SLC5A1: variants seen among roughly 807,000 people sequenced by gnomAD.
SLC5A1 encodes the protein solute carrier family 5 member 1, also known as sodium/glucose cotransporter 1.
Under a neutral mutation model 73.5 loss-of-function variants are expected in SLC5A1, and 42 were observed. The ratio of observed to expected loss-of-function variants is 0.57; its 90% CI spans 0.45 to 0.74. The LOEUF (loss-of-function observed/expected upper bound fraction) is 0.74, where lower values mean the gene tolerates loss of function less well. SLC5A1 is among the 30% of genes least tolerant of loss of function. The pLI is 0.00. For synonymous variants in SLC5A1, 300 were observed against 317.4 expected (o/e 0.95, Z 0.58); for missense variants, 634 against 855.4 (o/e 0.74, Z 3.23).
intron 2 of SLC5A1, among the ~76,000 whole-genome samples, chr22:32,056,483 C>CAT (rs2093952156): frequency 8.6e-6 from 1 of 115,764 alleles, no homozygotes; most frequent in Non-Finnish European, 1.7e-5. Context: ...ATGCAATATT[C>CAT]GGGACATACT....
At chr22:32,091,371 A>G (rs1274150212) in intron 10 of SLC5A1, among the ~76,000 whole-genome samples, 1 of 151,462 alleles carries the variant, frequency 6.6e-6, no homozygotes, top group African/African-American at 2.4e-5. Context: ...GTCCAGTTGC[A>G]AAGTATTCAC....
intron 14 of SLC5A1, among the ~76,000 whole-genome samples, chr22:32,108,954 T>C (rs759403601): frequency 4.6e-5 from 7 of 152,118 alleles, no homozygotes; most frequent in Non-Finnish European, 1.0e-4. Flanking sequence ...GGTGGGAGTA[T>C]TGCTTGAGTC....
intron 11 of SLC5A1, among the ~76,000 whole-genome samples, chr22:32,093,487 T>G (rs2094021392): frequency 6.6e-6 from 1 of 152,208 alleles, no homozygotes; most frequent in Non-Finnish European, 1.5e-5. Context: ...CTTTCAGCAG[T>G]GTTTTGTAGT....
At chr22:32,077,169 G>T (rs1438446817) in intron 5 of SLC5A1, among the ~76,000 whole-genome samples, 1 of 152,118 alleles carries the variant, frequency 6.6e-6, no homozygotes, top group Non-Finnish European at 1.5e-5. Flanking sequence ...CAGCATTGGA[G>T]AAATTTTCTT....
chr22:32,107,626 G>A (rs2094048679), intron 14 of SLC5A1, among the ~76,000 whole-genome samples: 1 of 152,152 alleles, frequency 6.6e-6, no homozygotes, highest in Admixed American at 6.5e-5. Context: ...AGTTGGTCTG[G>A]ACAGGGATGA....
intron 2 of SLC5A1, among the ~76,000 whole-genome samples, chr22:32,051,725 A>G (rs1361482749): frequency 2.0e-5 from 3 of 152,172 alleles, no homozygotes; most frequent in Admixed American, 6.5e-5. Context: ...AAACCCAACA[A>G]CAACAAAACA....
chr22:32,071,168 G>A (rs893961330), intron 5 of SLC5A1, among the ~76,000 whole-genome samples: 2 of 152,100 alleles, frequency 1.3e-5, no homozygotes, highest in African/African-American at 2.4e-5. Flanking sequence ...TAATGATAAC[G>A]AGGCTGGGTG....
At chr22:32,046,160 C>T (rs549872791) in intron 1 of SLC5A1, among the ~76,000 whole-genome samples, 18 of 152,236 alleles carry the variant, frequency 1.2e-4, no homozygotes, top group East Asian at 7.7e-4. Flanking sequence ...AGATGAGGAT[C>T]GGAGAGGGTG....
chr22:32,079,199 T>C (rs1440833503), intron 5 of SLC5A1, among the ~76,000 whole-genome samples: 1 of 152,190 alleles, frequency 6.6e-6, no homozygotes, highest in East Asian at 1.9e-4. Context: ...CAAAGACTAA[T>C]GTCAGAGCAC....
intron 11 of SLC5A1, among the ~76,000 whole-genome samples, chr22:32,096,604 C>G (rs2094026672): frequency 6.6e-6 from 1 of 152,176 alleles, no homozygotes; most frequent in African/African-American, 2.4e-5. Flanking sequence ...TTCTTGTTGT[C>G]AAATGGGCTA....
chr22:32,052,302 AAG>A (rs1464713879), intron 2 of SLC5A1, among the ~76,000 whole-genome samples: 1 of 152,218 alleles, frequency 6.6e-6, no homozygotes, highest in Non-Finnish European at 1.5e-5. Flanking sequence ...TCCCTGAAGA[AAG>A]AGGACAGGTT....
chr22:32,100,885 G>A (rs886226226), intron 12 of SLC5A1, among the ~76,000 whole-genome samples: 26 of 152,148 alleles, frequency 1.7e-4, no homozygotes, highest in African/African-American at 5.3e-4. Flanking sequence ...GCAATCCCCC[G>A]GTTCAGATTG....
intron 14 of SLC5A1, among the ~76,000 whole-genome samples, chr22:32,108,819 A>C (rs1039791262): frequency 1.3e-5 from 2 of 152,158 alleles, no homozygotes; most frequent in Admixed American, 1.3e-4. Flanking sequence ...CCCAATTCTG[A>C]CTCGTGTGAA....
chr22:32,081,816 T>A (rs748616917), intron 5 of SLC5A1, 50 bp from the exon 6 acceptor site: 1 of 1,147,724 alleles, frequency 8.7e-7, no homozygotes, highest in Non-Finnish European at 1.3e-6. Flanking sequence ...ACAGGCCCTG[T>A]AGGCAGCTGA....
At chr22:32,082,492 A>T (rs1454702748) in intron 6 of SLC5A1, among the ~76,000 whole-genome samples, 1 of 152,120 alleles carries the variant, frequency 6.6e-6, no homozygotes, top group Non-Finnish European at 1.5e-5. Context: ...AGGGACTGGG[A>T]GCCCCTGTAA....
intron 12 of SLC5A1, among the ~76,000 whole-genome samples, chr22:32,101,040 G>T (rs927227141): frequency 1.3e-5 from 2 of 152,174 alleles, no homozygotes; most frequent in Non-Finnish European, 1.5e-5. Context: ...TTACCAGGAA[G>T]AGAAGAGCCT....
At chr22:32,092,037 C>T (rs2094018743) in intron 11 of SLC5A1, among the ~76,000 whole-genome samples, 1 of 151,974 alleles carries the variant, frequency 6.6e-6, no homozygotes, top group African/African-American at 2.4e-5. Context: ...GATTTTGGTA[C>T]ACCCATCACT....
chr22:32,070,696 T>G (rs1226933529), intron 5 of SLC5A1, among the ~76,000 whole-genome samples: 1 of 152,080 alleles, frequency 6.6e-6, no homozygotes, highest in African/African-American at 2.4e-5. Flanking sequence ...TCCTCTTGAT[T>G]GTAAAACAAA....
At chr22:32,086,427 T>C (rs1189559972) in intron 10 of SLC5A1, 100 bp downstream of exon 10, 1 of 843,064 alleles carries the variant, frequency 1.2e-6, no homozygotes, top group Non-Finnish European at 2.0e-6. Flanking sequence ...CAAAGACATT[T>C]CTTAGCCGGG....
Sources: allele counts gnomAD v4.1 joint callset (sites outside exome capture counted in the v4.1 genomes callset), GRCh38; gene constraint gnomAD v4.1.1; transcripts MANE v1.5; gene names NCBI Gene and HGNC (gene_info 2026-07-23, HGNC 2026-07-21).